SHISA9: variants seen among roughly 807,000 people sequenced by gnomAD.
SHISA9 encodes the protein protein shisa-9.
In SHISA9, 13 loss-of-function variants were observed where a neutral mutation model predicts 38.0. That is an observed-to-expected ratio of 0.34 (90% confidence interval 0.22 to 0.54). SHISA9 has a LOEUF of 0.54. SHISA9 is among the 20% of genes least tolerant of loss of function. SHISA9 has a pLI of 0.91. For synonymous variants in SHISA9, 275 were observed against 242.0 expected (o/e 1.14, Z -1.27); for missense variants, 538 against 575.8 (o/e 0.93, Z 0.67).
At chr16:13,249,907 A>AT in the SHISA9 span, among the ~76,000 whole-genome samples, 3 of 151,906 alleles carry the variant, frequency 2.0e-5, no homozygotes, top group African/African-American at 4.8e-5. Flanking sequence ...AAATTTTTAA[A>AT]TTTTTTTGTA....
chr16:13,372,481 G>T, the SHISA9 span, among the ~76,000 whole-genome samples: 1 of 152,160 alleles, frequency 6.6e-6, no homozygotes, highest in Non-Finnish European at 1.5e-5. Context: ...AAGCAAAAGG[G>T]ATCATGGCAT....
chr16:13,512,011 A>G, the SHISA9 span, among the ~76,000 whole-genome samples: 1 of 152,170 alleles, frequency 6.6e-6, no homozygotes, highest in South Asian at 2.1e-4. Flanking sequence ...CACTGGGGAG[A>G]GTACTTAGAA....
At chr16:13,492,791 A>G in the SHISA9 span, among the ~76,000 whole-genome samples, 3 of 152,252 alleles carry the variant, frequency 2.0e-5, no homozygotes, top group Non-Finnish European at 4.4e-5. Context: ...CCTTTCTGGC[A>G]GGAGACATTT....
intron 2 of SHISA9, among the ~76,000 whole-genome samples, chr16:13,147,247 AG>A (rs2050455342): frequency 6.6e-6 from 1 of 152,112 alleles, no homozygotes; most frequent in Non-Finnish European, 1.5e-5. Context: ...GGGTATGATA[AG>A]GAGACTGAAT....
Position 13,235,562 on chromosome 16 carries a change from C to T in SHISA9, c.*153C>T, listed in dbSNP as rs1596758106. On this transcript the variant is annotated 3_prime_UTR_variant, in exon 5 of 5. Coordinates refer to ENST00000558583, the MANE Select transcript of SHISA9 (RefSeq NM_001145204.3). Reference sequence around the variant, plus strand: ...TCTAAACCTACTGGGGACACAGAGTCGCGCTTTTCCTAGGTCATGCCTGTA... The same window carrying T: ...TCTAAACCTACTGGGGACACAGAGTTGCGCTTTTCCTAGGTCATGCCTGTA... 1 of 1,007,942 alleles carries T rather than the reference C, an allele frequency of 9.9e-7. No individual in the cohort carries two copies. Among genetic ancestry groups the T allele is most frequent in the South Asian group, 1.8e-5 (1 of 55,728 alleles). The allele number at this position is 1,007,942 out of a possible 1,614,324, so 62.4% of individuals were successfully genotyped here. A position where few individuals can be genotyped will look rare whatever the true frequency, so the allele number is the denominator to read the frequency against.
chr16:13,045,120 G>C (rs1157372942), intron 2 of SHISA9, among the ~76,000 whole-genome samples: 1 of 152,156 alleles, frequency 6.6e-6, no homozygotes. Flanking sequence ...CAACATGCTT[G>C]TTATTATGGA....
At chr16:13,086,698 C>G (rs2073714283) in intron 2 of SHISA9, among the ~76,000 whole-genome samples, 1 of 152,048 alleles carries the variant, frequency 6.6e-6, no homozygotes, top group South Asian at 2.1e-4. Flanking sequence ...CATGTCAAGG[C>G]AAAGAGATGT....
chr16:13,221,438 CTT>C (rs72459669), intron 4 of SHISA9, among the ~76,000 whole-genome samples: 44,095 of 134,752 alleles, frequency 0.33, 7,275 homozygotes, highest in East Asian at 0.46. Context: ...AATACCTGGA[CTT>C]TTTTTTTTTT....
intron 2 of SHISA9, among the ~76,000 whole-genome samples, chr16:13,126,971 GAGA>G (rs1311521542): frequency 1.3e-5 from 2 of 148,798 alleles, no homozygotes; most frequent in African/African-American, 2.5e-5. Flanking sequence ...GAGAGAATGA[GAGA>G]AGGAGAGAGA....
intron 2 of SHISA9, among the ~76,000 whole-genome samples, chr16:13,031,435 G>T (rs1052166998): frequency 1.3e-5 from 2 of 152,172 alleles, no homozygotes; most frequent in Admixed American, 6.5e-5. Flanking sequence ...AGGTAGAGTG[G>T]CCAGTATGAT....
intron 2 of SHISA9, among the ~76,000 whole-genome samples, chr16:13,118,498 C>A (rs1004687127): frequency 6.6e-6 from 1 of 152,122 alleles, no homozygotes; most frequent in East Asian, 1.9e-4. Flanking sequence ...GGTCAGATAG[C>A]CACCTAGAAC....
intron 2 of SHISA9, among the ~76,000 whole-genome samples, chr16:13,039,329 G>C: frequency 6.6e-6 from 1 of 152,144 alleles, no homozygotes; most frequent in East Asian, 1.9e-4. Flanking sequence ...TATTACACCA[G>C]CTTTCACATG....
At chr16:13,196,868 C>T (rs566455227) in intron 2 of SHISA9, among the ~76,000 whole-genome samples, 5 of 152,286 alleles carry the variant, frequency 3.3e-5, no homozygotes, top group East Asian at 1.9e-4. Flanking sequence ...CTGAGGCAGG[C>T]AGGTCACCTG....
At chr16:13,497,292 A>G in the SHISA9 span, among the ~76,000 whole-genome samples, 1 of 152,184 alleles carries the variant, frequency 6.6e-6, no homozygotes, top group African/African-American at 2.4e-5. Context: ...ATTTTGATAC[A>G]TGTTTACAAT....
the SHISA9 span, among the ~76,000 whole-genome samples, chr16:13,458,874 G>GT: frequency 6.1e-4 from 90 of 146,948 alleles, 3 homozygotes; most frequent in African/African-American, 7.7e-4. Flanking sequence ...TTTGTTTTTT[G>GT]TTTTTTTTTT....
At chr16:12,934,048 AC>A (rs2141747201) in intron 2 of SHISA9, among the ~76,000 whole-genome samples, 1 of 152,276 alleles carries the variant, frequency 6.6e-6, no homozygotes, top group African/African-American at 2.4e-5. Flanking sequence ...TCTAGCCAAA[AC>A]AAAAAACAAA....
chr16:13,195,059 A>G (rs1260476937), intron 2 of SHISA9, among the ~76,000 whole-genome samples: 1 of 152,234 alleles, frequency 6.6e-6, no homozygotes, highest in Non-Finnish European at 1.5e-5. Flanking sequence ...GTGTATATAC[A>G]TATATTAGCA....
chr16:13,031,073 G>A (rs773511083), intron 2 of SHISA9, among the ~76,000 whole-genome samples: 1 of 152,176 alleles, frequency 6.6e-6, no homozygotes, highest in Non-Finnish European at 1.5e-5. Context: ...TGATGGTGAG[G>A]GGGCTGCTGT....
At chr16:12,908,048 C>T (rs2071126466) in intron 1 of SHISA9, among the ~76,000 whole-genome samples, 1 of 152,212 alleles carries the variant, frequency 6.6e-6, no homozygotes. Context: ...GTTGCTTCAC[C>T]TCTCTGAGTC....
Sources: gnomAD v4.1 joint callset for allele counts (sites outside exome capture counted in the v4.1 genomes callset) on GRCh38, gnomAD v4.1.1 for gene constraint, MANE v1.5 for transcripts, NCBI Gene and HGNC (gene_info 2026-07-23, HGNC 2026-07-21) for gene names.